The following RSPO4 variants were observed in gnomAD, a reference collection of about 807,000 sequenced individuals.
The protein encoded by RSPO4 is R-spondin-4.
RSPO4 carries 23 observed loss-of-function variants against 24.8 expected under a neutral mutation model. That is an observed-to-expected ratio of 0.93 (90% CI 0.67 to 1.31). The LOEUF (loss-of-function observed/expected upper bound fraction) is 1.31. RSPO4 is among the 40% of genes most tolerant of loss of function. The pLI is 0.00. For synonymous variants in RSPO4, 141 were observed against 127.4 expected, an observed-to-expected ratio of 1.11 and a Z score of -0.72; for missense variants, 333 against 316.5, an observed-to-expected ratio of 1.05 and a Z score of -0.39.
chr20:995,794 G>C (rs1985262057), intron 1 of RSPO4, among the ~76,000 whole-genome samples: 1 of 152,048 alleles, frequency 6.6e-6, no homozygotes, highest in African/African-American at 2.4e-5. Flanking sequence ...GACTGAAAGG[G>C]GCTGAGCACA....
At chr20:964,425 G>C (rs1984115222) in intron 3 of RSPO4, among the ~76,000 whole-genome samples, 1 of 152,092 alleles carries the variant, frequency 6.6e-6, no homozygotes, top group Admixed American at 6.6e-5. Flanking sequence ...GAAGAAGGAA[G>C]CCCATTCCAG....
chr20:1,002,070 C>A lies in RSPO4; in HGVS notation c.79+16G>T. On this transcript the variant is annotated intron_variant, in intron 1 of 4. Transcript: ENST00000217260. The surrounding 1 kb of genome is among the most constrained non-coding windows in gnomAD (Gnocchi z 4.6). The stretch of plus-strand genomic sequence containing the variant: ...GCAGCGCCTGCCCGGCCGCCCTGCC[C>A]AGCCACCCCTTGTACCTTGCTTCTT... The A allele has an allele frequency of 6.5e-7, 1 of 1,548,674 alleles. No individual in the cohort carries two copies. Among genetic ancestry groups the A allele is most frequent in the East Asian group, 2.4e-5 (1 of 40,984 alleles).
At chr20:974,501 G>A (rs1984502912) in intron 1 of RSPO4, among the ~76,000 whole-genome samples, 1 of 152,218 alleles carries the variant, frequency 6.6e-6, no homozygotes. Flanking sequence ...GCACTCTCTG[G>A]CATTGAGGTT....
chr20:991,666 A>T (rs1985108148), intron 1 of RSPO4, among the ~76,000 whole-genome samples: 1 of 152,074 alleles, frequency 6.6e-6, no homozygotes, highest in Non-Finnish European at 1.5e-5. Context: ...TAACAAAATA[A>T]AAATTTAAAA....
At chr20:990,159 T>TCCTTGCCAAC (rs1271915596) in intron 1 of RSPO4, among the ~76,000 whole-genome samples, 6 of 152,188 alleles carry the variant, frequency 3.9e-5, no homozygotes, top group African/African-American at 1.4e-4. Flanking sequence ...CCGTCACCCC[T>TCCTTGCCAAC]CCCTGCCAAC....
At chr20:991,423 A>G (rs1267188725) in intron 1 of RSPO4, among the ~76,000 whole-genome samples, 1 of 152,214 alleles carries the variant, frequency 6.6e-6, no homozygotes, top group East Asian at 1.9e-4. Context: ...GTCAGATTAA[A>G]AAAGATTTTT....
At chr20:996,112 T>C (rs1985276324) in intron 1 of RSPO4, among the ~76,000 whole-genome samples, 1 of 152,082 alleles carries the variant, frequency 6.6e-6, no homozygotes, top group Non-Finnish European at 1.5e-5. Context: ...GTGGAGTACA[T>C]GACAGATTGT....
At position 981,981 on chromosome 20, in the gene RSPO4, T is replaced by C. The variant is rs1039158700; in HGVS notation, c.80-13843A>G. On this transcript the variant is annotated intron_variant, in intron 1 of 4. Coordinates refer to ENST00000217260, the MANE Select transcript of RSPO4 (RefSeq NM_001029871.4). This position sits in a 1 kb window ranked among gnomAD's most constrained non-coding sequence, Gnocchi z 4.6. ...TATTCTGCCCTCCATTAGCTACTCA[T>C]TAAGAGAAGTTACATTTGTGTTTCT... Among the ~76,000 whole-genome samples the C allele has an allele frequency of 6.6e-6, 1 of 152,162 alleles. No homozygotes were observed.
At chr20:971,980 C>T (rs957928333) in intron 1 of RSPO4, among the ~76,000 whole-genome samples, 14 of 152,186 alleles carry the variant, frequency 9.2e-5, no homozygotes, top group African/African-American at 2.7e-4. Context: ...ACGTGGGACC[C>T]GGGTTCCAAG....
chr20:993,299 G>T (rs1335271268), intron 1 of RSPO4, among the ~76,000 whole-genome samples: 1 of 152,250 alleles, frequency 6.6e-6, no homozygotes, highest in Non-Finnish European at 1.5e-5. Flanking sequence ...GCAGGCAGTG[G>T]CGGCCCAGCA....
chr20:998,613 G>A (rs1473925759), intron 1 of RSPO4, among the ~76,000 whole-genome samples: 1 of 152,146 alleles, frequency 6.6e-6, no homozygotes, highest in Admixed American at 6.5e-5. Context: ...CTCATTCCTC[G>A]GGATTGTGCA....
chr20:969,599 C>T (rs1301062461), intron 1 of RSPO4, among the ~76,000 whole-genome samples: 1 of 152,166 alleles, frequency 6.6e-6, no homozygotes, highest in African/African-American at 2.4e-5. Context: ...AGAGCCTGCA[C>T]ATCCTTCCCG....
chr20:979,429 C>A (rs1255734757), intron 1 of RSPO4, among the ~76,000 whole-genome samples: 1 of 152,220 alleles, frequency 6.6e-6, no homozygotes, highest in Non-Finnish European at 1.5e-5. Context: ...TCCAGTAATG[C>A]CTCCAAGATG....
In RSPO4 at chr20:1,002,198, G is replaced by A; in HGVS notation, c.-34C>T. 6.7e-7 allele frequency: 1 copy of A among 1,487,980 alleles called. No homozygotes were observed. The highest frequency in any genetic ancestry group is 9.0e-7 in the Non-Finnish European group (1 of 1,116,254). The allele number at this position is 1,487,980 out of a possible 1,614,324, so 92.2% of individuals were successfully genotyped here. On this transcript the variant is annotated 5_prime_UTR_variant, in exon 1 of 5. Coordinates refer to ENST00000217260, the MANE Select transcript of RSPO4 (RefSeq NM_001029871.4). This position sits in a 1 kb window ranked among gnomAD's most constrained non-coding sequence, Gnocchi z 4.6. ...CCGGATCCGGGCTGGCGCTCCCCAG[G>A]CGGCCCGACGGCCCAAGGGCCCCAC...
chr20:964,785 TATACAC>T (rs1426974907), intron 3 of RSPO4, among the ~76,000 whole-genome samples: 1 of 122,406 alleles, frequency 8.2e-6, no homozygotes, highest in African/African-American at 3.8e-5. Flanking sequence ...CACATATATA[TATACAC>T]ATATATACAC....
chr20:999,575 C>G (rs1013975393), intron 1 of RSPO4, among the ~76,000 whole-genome samples: 7 of 152,158 alleles, frequency 4.6e-5, no homozygotes, highest in African/African-American at 1.7e-4. Flanking sequence ...AAATCCAAGG[C>G]TATCTCCATT....
intron 1 of RSPO4, among the ~76,000 whole-genome samples, chr20:983,301 C>T (rs534175472): frequency 2.0e-4 from 30 of 151,996 alleles, no homozygotes; most frequent in East Asian, 1.2e-3. Context: ...AGTTTCCTAT[C>T]GGAAAAGCAG....
intron 1 of RSPO4, among the ~76,000 whole-genome samples, chr20:968,711 G>C (rs1311066471): frequency 2.0e-5 from 3 of 152,154 alleles, no homozygotes; most frequent in Non-Finnish European, 1.5e-5. Flanking sequence ...AGTGGGGTGG[G>C]GTGAGACCCT....
Position 991,467 on chromosome 20 carries a change from G to A in RSPO4, c.79+10619C>T, listed in dbSNP as rs556460655. ...AAAATGAACATGGGATTGATATCTA[G>A]GTAATACAAGGAAGCCCTACAAATT... On this transcript the variant is annotated intron_variant, in intron 1 of 4. Transcript: ENST00000217260. Among the ~76,000 whole-genome samples the A allele has an allele frequency of 2.6e-5, 4 of 151,958 alleles. No homozygotes were observed. In the East Asian group the frequency reaches 7.7e-4, roughly 29 times the overall value.
Sources: gnomAD v4.1 joint callset for allele counts (sites outside exome capture counted in the v4.1 genomes callset) on GRCh38, gnomAD v4.1.1 for gene constraint, Gnocchi (gnomAD v3.1) non-coding constraint, MANE v1.5 for transcripts, NCBI Gene and HGNC (gene_info 2026-07-23, HGNC 2026-07-21) for gene names.